RASAL2: variants seen among roughly 807,000 people sequenced by gnomAD.
The protein encoded by RASAL2 is RAS protein activator like 2, also known as ras GTPase-activating protein nGAP.
A neutral mutation model predicts 128.9 loss-of-function variants in RASAL2; 58 were observed. That is an observed-to-expected ratio of 0.45 (90% CI 0.36 to 0.56). The LOEUF is 0.56. RASAL2 is among the 20% of genes least tolerant of loss of function. The probability of loss-of-function intolerance (pLI) is 0.00; values close to 1 mark genes in which losing one functional copy is unlikely to be tolerated. For missense variants in RASAL2, 1,360 were observed against 1,601.6 expected (o/e 0.85, Z 2.57); for synonymous variants, 561 against 580.8 (o/e 0.97, Z 0.49).
intron 1 of RASAL2, among the ~76,000 whole-genome samples, chr1:178,190,689 C>T (rs781190558): frequency 5.3e-5 from 8 of 151,754 alleles, no homozygotes; most frequent in Non-Finnish European, 1.2e-4. Context: ...GTATGCTTCT[C>T]ATATGCGTGA....
intron 1 of RASAL2, among the ~76,000 whole-genome samples, chr1:178,271,743 C>T (rs1039747899): frequency 6.6e-6 from 1 of 152,196 alleles, no homozygotes; most frequent in African/African-American, 2.4e-5. Flanking sequence ...TAAAATTCTT[C>T]AGATGCTTCC....
chr1:178,134,457 C>CAAAAAA (rs59410623), intron 1 of RASAL2, among the ~76,000 whole-genome samples: 2 of 111,544 alleles, frequency 1.8e-5, no homozygotes, highest in African/African-American at 3.2e-5. Flanking sequence ...GACCCTATCT[C>CAAAAAA]AAAAAAAAAA....
intron 2 of RASAL2, among the ~76,000 whole-genome samples, chr1:178,290,648 T>A (rs563807056): frequency 9.9e-5 from 15 of 152,134 alleles, no homozygotes; most frequent in Non-Finnish European, 1.6e-4. Context: ...AAATTTTGCT[T>A]CAGTAAGTTT....
intron 1 of RASAL2, chr1:178,125,615 T>A (rs1019318269): frequency 1.3e-5 from 2 of 152,192 alleles, no homozygotes; most frequent in Non-Finnish European, 2.9e-5. Flanking sequence ...ATAATCGATG[T>A]GATATTTTAA....
chr1:178,161,931 C>T (rs543363568), intron 1 of RASAL2, among the ~76,000 whole-genome samples: 1 of 151,362 alleles, frequency 6.6e-6, no homozygotes, highest in East Asian at 1.9e-4. Flanking sequence ...GGTTATTTGT[C>T]TTTTGATTGT....
At chr1:178,135,087 A>G (rs1451024837) in intron 1 of RASAL2, among the ~76,000 whole-genome samples, 1 of 152,120 alleles carries the variant, frequency 6.6e-6, no homozygotes, top group African/African-American at 2.4e-5. Context: ...CAATTTTGGG[A>G]TAGTTTTGAT....
rs551234772 is a variant in RASAL2, at chr1:178,474,080, A to G, written c.*841A>G. The G allele has an allele frequency of 6.5e-6, 1 of 152,752 alleles. No individual in the cohort carries two copies. Among genetic ancestry groups the G allele is most frequent in the Non-Finnish European group, 1.5e-5 (1 of 68,026 alleles). 9.5% of individuals were successfully genotyped at this position (152,752 alleles called of 1,614,324 possible). ...AAACTATAAATATTTGTGTCTCCAC[A>G]TACCATCTTCATCTTCACACATTCA... On this transcript the variant is annotated 3_prime_UTR_variant, in exon 18 of 18. Coordinates refer to ENST00000367649, the MANE Select transcript of RASAL2 (RefSeq NM_170692.4).
At chr1:178,348,055 C>T (rs970960652) in intron 3 of RASAL2, among the ~76,000 whole-genome samples, 5 of 152,154 alleles carry the variant, frequency 3.3e-5, no homozygotes, top group Non-Finnish European at 5.9e-5. Context: ...AAAGAATACT[C>T]ACTGAGTGAT....
intron 1 of RASAL2, among the ~76,000 whole-genome samples, chr1:178,114,314 G>C (rs1477126429): frequency 6.6e-6 from 1 of 151,878 alleles, no homozygotes; most frequent in East Asian, 1.9e-4. Context: ...GTTAGCCTTA[G>C]GTTTTTTTGT....
chr1:178,176,470 A>G (rs561268248), intron 1 of RASAL2, among the ~76,000 whole-genome samples: 2 of 151,826 alleles, frequency 1.3e-5, no homozygotes, highest in Admixed American at 6.6e-5. Flanking sequence ...TGTCAGATGC[A>G]TAGCTTGCAG....
At chr1:178,299,789 C>G (rs893916110) in intron 2 of RASAL2, among the ~76,000 whole-genome samples, 1 of 152,148 alleles carries the variant, frequency 6.6e-6, no homozygotes, top group Non-Finnish European at 1.5e-5. Flanking sequence ...GTCACTGCAC[C>G]TGGCCCAGTT....
intron 1 of RASAL2, among the ~76,000 whole-genome samples, chr1:178,259,619 A>G (rs986096429): frequency 6.6e-6 from 1 of 152,198 alleles, no homozygotes; most frequent in East Asian, 2.0e-4. Flanking sequence ...TCTGTCACTC[A>G]CTGGACAGTG....
intron 3 of RASAL2, among the ~76,000 whole-genome samples, chr1:178,385,049 T>G (rs1035140465): frequency 5.3e-5 from 8 of 152,342 alleles, no homozygotes; most frequent in African/African-American, 1.9e-4. Flanking sequence ...TTTCGGAGTC[T>G]TTTGGAACCT....
chr1:178,101,928 T>A (rs1307228746), intron 1 of RASAL2, among the ~76,000 whole-genome samples: 1 of 152,090 alleles, frequency 6.6e-6, no homozygotes. Context: ...ATTACCTAGG[T>A]AACAGAAAAC....
chr1:178,166,916 G>T (rs1213064607), intron 1 of RASAL2, among the ~76,000 whole-genome samples: 1 of 151,952 alleles, frequency 6.6e-6, no homozygotes, highest in Non-Finnish European at 1.5e-5. Flanking sequence ...GAAAACTGCT[G>T]AATTAATTTT....
At chr1:178,229,785 G>A (rs986083224) in intron 1 of RASAL2, among the ~76,000 whole-genome samples, 1 of 152,130 alleles carries the variant, frequency 6.6e-6, no homozygotes, top group East Asian at 1.9e-4. Flanking sequence ...ACTAGATAGA[G>A]TTCAGTGTTG....
Position 178,187,991 on chromosome 1 carries a change from A to G in RASAL2, c.202+93297A>G, listed in dbSNP as rs1662364297. Among the ~76,000 whole-genome samples, 5 of 152,246 alleles carry G rather than the reference A, an allele frequency of 3.3e-5. No homozygotes were observed. The Middle Eastern group carries it at 0.01, about 311-fold the overall frequency. On this transcript the variant is annotated intron_variant, in intron 1 of 17. Transcript: ENST00000367649. ...ATGTGTAACCCTTTGGAAGATAGCT[A>G]TACAATGCTCTGGGTATTCAACAAA...
At chr1:178,195,693 A>G (rs1377006713) in intron 1 of RASAL2, among the ~76,000 whole-genome samples, 3 of 152,164 alleles carry the variant, frequency 2.0e-5, no homozygotes, top group Non-Finnish European at 2.9e-5. Context: ...AAATACTGCT[A>G]TAGAAGATGA....
Position 178,442,790 on chromosome 1 carries a change from G to C in RASAL2, c.1043G>C (p.Arg348Pro). 1.2e-6 allele frequency: 2 copies of C among 1,613,696 alleles called. No homozygotes were observed. Among genetic ancestry groups the C allele is most frequent in the East Asian group, 2.2e-5 (1 of 44,868 alleles). ...ELCLDDTLFARTTSKTKADNI... is the reference protein window; with the variant it reads ...ELCLDDTLFAPTTSKTKADNI... ...TGCCTTGATGATACCCTCTTTGCTC[G>C]TACAACCAGCAAGACCAAAGCAGAC... The change falls in exon 8 of 18, where the codon CGT (arginine) becomes CCT (proline). Residue 348 changes from arginine (R) to proline (P), a missense_variant. This residue lies in a region of RASAL2 where 617 missense variants were observed against 714.2 expected (regional missense o/e 0.86). Transcript: ENST00000367649.
Sources: gnomAD v4.1 joint callset for allele counts (sites outside exome capture counted in the v4.1 genomes callset) on GRCh38, gnomAD v4.1.1 for gene constraint, gnomAD v4.1.1 regional missense constraint, MANE v1.5 for transcripts, NCBI Gene and HGNC (gene_info 2026-07-23, HGNC 2026-07-21) for gene names.